The following PHACTR3 variants were observed in gnomAD, a reference collection of about 807,000 sequenced individuals.
PHACTR3 encodes the protein phosphatase and actin regulator 3.
Under a neutral mutation model 66.8 loss-of-function variants are expected in PHACTR3, and 16 were observed. The observed-to-expected ratio is 0.24, with a 90% CI of 0.16 to 0.36. PHACTR3 has a LOEUF of 0.36. Among genes scored for constraint, PHACTR3 ranks in the 10% least tolerant of loss-of-function variants. The probability of loss-of-function intolerance (pLI) is 1.00; values close to 1 mark genes in which losing one functional copy is unlikely to be tolerated. For missense variants in PHACTR3, 647 were observed against 719.9 expected, an observed-to-expected ratio of 0.90 and a Z score of 1.16; for synonymous variants, 323 against 292.1, an observed-to-expected ratio of 1.11 and a Z score of -1.08.
At chr20:59,666,612 GAGAC>G (rs1012615642) in intron 1 of PHACTR3, among the ~76,000 whole-genome samples, 4 of 151,608 alleles carry the variant, frequency 2.6e-5, no homozygotes, top group African/African-American at 4.9e-5. Flanking sequence ...AAGATGGAGA[GAGAC>G]AGAGACAGAG....
chr20:59,616,101 C>T (rs915268322), intron 1 of PHACTR3, among the ~76,000 whole-genome samples: 7 of 152,124 alleles, frequency 4.6e-5, no homozygotes, highest in Non-Finnish European at 1.0e-4. Flanking sequence ...GGAAGATCTA[C>T]CTAACATCTC....
intron 1 of PHACTR3, among the ~76,000 whole-genome samples, chr20:59,680,110 C>G (rs958271047): frequency 1.3e-5 from 2 of 152,100 alleles, no homozygotes; most frequent in African/African-American, 2.4e-5. Context: ...CTGTCCCCAT[C>G]TCCTGTCTTC....
At chr20:59,770,352 T>TTTTTCC (rs921453536) in intron 5 of PHACTR3, among the ~76,000 whole-genome samples, 1 of 152,200 alleles carries the variant, frequency 6.6e-6, no homozygotes, top group Admixed American at 6.5e-5. Context: ...TCAGTTCCTC[T>TTTTTCC]TTTTCCTTTT....
intron 1 of PHACTR3, among the ~76,000 whole-genome samples, chr20:59,678,706 CA>C (rs1273073807): frequency 2.6e-5 from 4 of 152,260 alleles, no homozygotes; most frequent in Admixed American, 2.0e-4. Context: ...CATTATTATT[CA>C]GGGGGAAAGT....
Position 59,830,936 on chromosome 20 carries a change from G to A in PHACTR3, c.1329-5569G>A, listed in dbSNP as rs6027145. On this transcript the variant is annotated intron_variant, in intron 8 of 12. Coordinates refer to ENST00000371015, the MANE Select transcript of PHACTR3 (RefSeq NM_080672.5). The surrounding 1 kb of genome is among the most constrained non-coding windows in gnomAD (Gnocchi z 5.8). ...GACCTGGAAATGTGGGTGGCACAGTGGCATCATGACTCCTGGAGCCTCTCC... is the reference window on the plus strand; with the variant it reads ...GACCTGGAAATGTGGGTGGCACAGTAGCATCATGACTCCTGGAGCCTCTCC... Among the ~76,000 whole-genome samples the A allele has an allele frequency of 6.6e-6, 1 of 152,010 alleles. No individual in the cohort carries two copies. The highest frequency in any genetic ancestry group is 2.4e-5 in the African/African-American group (1 of 41,344).
chr20:59,608,604 C>T (rs1261981558), intron 1 of PHACTR3, among the ~76,000 whole-genome samples: 1 of 152,204 alleles, frequency 6.6e-6, no homozygotes, highest in Non-Finnish European at 1.5e-5. Flanking sequence ...TGTCGGGTCC[C>T]AGGCTGCCTC....
chr20:59,640,073 G>A (rs1240952791), intron 1 of PHACTR3, among the ~76,000 whole-genome samples: 5 of 152,198 alleles, frequency 3.3e-5, no homozygotes, highest in Admixed American at 3.3e-4. Flanking sequence ...CAGGACAGTA[G>A]AGCATAGCAG....
chr20:59,582,118 C>A (rs905226530), intron 1 of PHACTR3, among the ~76,000 whole-genome samples: 2 of 152,222 alleles, frequency 1.3e-5, no homozygotes, highest in African/African-American at 2.4e-5. Flanking sequence ...ATCCTCCCCC[C>A]GCCCGCCACC....
chr20:59,751,912 G>A (rs2039603558), intron 3 of PHACTR3, among the ~76,000 whole-genome samples: 1 of 152,042 alleles, frequency 6.6e-6, no homozygotes, highest in South Asian at 2.1e-4. Flanking sequence ...CAGCCCCCTT[G>A]CCCTGGTCCC....
intron 1 of PHACTR3, among the ~76,000 whole-genome samples, chr20:59,687,983 T>C (rs902812344): frequency 6.6e-6 from 1 of 152,116 alleles, no homozygotes; most frequent in Non-Finnish European, 1.5e-5. Context: ...ACTGGTGATG[T>C]TGGATGATTT....
At chr20:59,607,040 T>G (rs1374046573) in intron 1 of PHACTR3, among the ~76,000 whole-genome samples, 1 of 152,138 alleles carries the variant, frequency 6.6e-6, no homozygotes, top group Non-Finnish European at 1.5e-5. Flanking sequence ...TGGAGGGAAC[T>G]TGGGAACTTG....
intron 1 of PHACTR3, among the ~76,000 whole-genome samples, chr20:59,732,674 C>A (rs965444879): frequency 2.0e-5 from 3 of 152,126 alleles, no homozygotes; most frequent in Non-Finnish European, 2.9e-5. Context: ...ATTGCAGTTA[C>A]CTTCCACTGT....
At chr20:59,626,317 ATGGGACTCTAGG>A (rs1479374827) in intron 1 of PHACTR3, 2 of 152,226 alleles carry the variant, frequency 1.3e-5, no homozygotes, top group African/African-American at 4.8e-5. Context: ...TAGATGTATG[ATGGGACTCTAGG>A]TGGTTATAGA....
chr20:59,626,299 C>CATAGAA (rs950681830), intron 1 of PHACTR3, among the ~76,000 whole-genome samples: 29 of 152,080 alleles, frequency 1.9e-4, no homozygotes, highest in Admixed American at 3.3e-4. Context: ...AAACAGACAG[C>CATAGAA]ATAGAAATAG....
Position 59,845,171 on chromosome 20 carries a change from CTT to C in PHACTR3, c.1588-17_1588-16del, listed in dbSNP as rs772560718. 1.4e-6 allele frequency: 2 copies of C among 1,477,964 alleles called. No individual in the cohort carries two copies. The highest frequency in any genetic ancestry group is 2.3e-5 in the South Asian group (2 of 86,558). 91.6% of individuals were successfully genotyped at this position (1,477,964 alleles called of 1,614,324 possible). On this transcript the variant is annotated splice_polypyrimidine_tract_variant and intron_variant, in intron 11 of 12. Coordinates refer to ENST00000371015, the MANE Select transcript of PHACTR3 (RefSeq NM_080672.5). ...TTTTTAATATCCTGTAAAACAATGT[CTT>C]GTTTTTAAATTTCAGGCAGCAATTC...
chr20:59,674,046 A>G (rs915675065), intron 1 of PHACTR3, among the ~76,000 whole-genome samples: 9 of 151,926 alleles, frequency 5.9e-5, no homozygotes, highest in African/African-American at 2.2e-4. Flanking sequence ...GATGAAATTC[A>G]GCTGAGATTT....
chr20:59,797,733 T>C (rs2041295188), intron 7 of PHACTR3, among the ~76,000 whole-genome samples: 1 of 152,234 alleles, frequency 6.6e-6, no homozygotes, highest in South Asian at 2.1e-4. Context: ...GAGGTAATTG[T>C]GTGCTTTCCT....
At chr20:59,665,910 G>A (rs1212737170) in intron 1 of PHACTR3, among the ~76,000 whole-genome samples, 2 of 152,180 alleles carry the variant, frequency 1.3e-5, no homozygotes, top group Non-Finnish European at 1.5e-5. Flanking sequence ...CCAGGGGACT[G>A]CAAGAGTCCC....
intron 4 of PHACTR3, among the ~76,000 whole-genome samples, chr20:59,766,942 C>T (rs1011787365): frequency 7.2e-5 from 11 of 152,120 alleles, no homozygotes; most frequent in Non-Finnish European, 1.5e-4. Context: ...ATGGACCTCT[C>T]ATGTGGAAAA....
Sources: allele counts gnomAD v4.1 joint callset (sites outside exome capture counted in the v4.1 genomes callset), GRCh38; gene constraint gnomAD v4.1.1; non-coding constraint Gnocchi (gnomAD v3.1); transcripts MANE v1.5; gene names NCBI Gene and HGNC (gene_info 2026-07-23, HGNC 2026-07-21).